The following EEFSEC variants were observed in gnomAD, a reference collection of about 807,000 sequenced individuals.
EEFSEC encodes the protein eukaryotic elongation factor, selenocysteine-tRNA specific.
In EEFSEC, 43 loss-of-function variants were observed where a neutral mutation model predicts 42.1. That is an observed-to-expected ratio of 1.02 (90% CI 0.80 to 1.32). The LOEUF (loss-of-function observed/expected upper bound fraction) is 1.32. Among genes scored for constraint, EEFSEC ranks in the 40% most tolerant of loss-of-function variants. EEFSEC has a pLI of 0.00. For missense variants in EEFSEC, 745 were observed against 803.6 expected, an observed-to-expected ratio of 0.93 and a Z score of 0.88; for synonymous variants, 354 against 339.1, an observed-to-expected ratio of 1.04 and a Z score of -0.48.
Position 128,249,551 on chromosome 3 carries a change from C to A in EEFSEC, c.524+2508C>A, listed in dbSNP as rs1298284118. Among the ~76,000 whole-genome samples, 5 of 152,202 alleles carry A rather than the reference C, an allele frequency of 3.3e-5. No homozygotes were observed. In the East Asian group the frequency reaches 7.7e-4, roughly 23 times the overall value. The stretch of plus-strand genomic sequence containing the variant: ...ATATACCCCAAACTTTTTCATGACC[C>A]CCAACATAAACTCTGTAGCCATTAA... On this transcript the variant is annotated intron_variant, in intron 2 of 6. Coordinates refer to ENST00000254730, the MANE Select transcript of EEFSEC (RefSeq NM_021937.5).
At chr3:128,354,608 G>T (rs1238418855) in intron 5 of EEFSEC, among the ~76,000 whole-genome samples, 1 of 152,142 alleles carries the variant, frequency 6.6e-6, no homozygotes, top group African/African-American at 2.4e-5. Flanking sequence ...ACTAACTTTG[G>T]GGTCATCTCT....
At chr3:128,196,949 T>C (rs1372237503) in intron 1 of EEFSEC, among the ~76,000 whole-genome samples, 1 of 152,254 alleles carries the variant, frequency 6.6e-6, no homozygotes, top group Non-Finnish European at 1.5e-5. Flanking sequence ...GTTTGGATGC[T>C]CGCAGTATGT....
chr3:128,322,312 G>A (rs78832040), intron 4 of EEFSEC, among the ~76,000 whole-genome samples: 4,699 of 152,352 alleles, frequency 0.031, 229 homozygotes, highest in African/African-American at 0.1. Flanking sequence ...AGCTTGTGGA[G>A]GGACCGTGTC....
the EEFSEC span, among the ~76,000 whole-genome samples, chr3:128,414,666 G>GTCACTACTAACGTCAATGCCATCA: frequency 6.6e-6 from 1 of 152,150 alleles, no homozygotes; most frequent in African/African-American, 2.4e-5. Context: ...ATCATTTAAC[G>GTCACTACTAACGTCAATGCCATCA]TCACTACTAA....
Position 128,332,935 on chromosome 3 carries a change from T to C in EEFSEC, c.787-8298T>C, listed in dbSNP as rs577808176. Among the ~76,000 whole-genome samples the C allele has an allele frequency of 2.0e-5, 3 of 152,334 alleles. No individual in the cohort carries two copies. In the South Asian group the frequency reaches 6.2e-4, roughly 32 times the overall value. On this transcript the variant is annotated intron_variant, in intron 4 of 6. Transcript: ENST00000254730. ...ACCTTATTAAACAAAATTGGTTAGG[T>C]CTGATGGAGCCAAACCTAGACTGAT...
intron 1 of EEFSEC, among the ~76,000 whole-genome samples, chr3:128,184,324 C>T (rs1377638662): frequency 6.6e-6 from 1 of 152,158 alleles, no homozygotes. Context: ...ACTCTGTATC[C>T]ATTACACACT....
chr3:128,408,352 C>T lies in EEFSEC; in HGVS notation c.*93C>T, dbSNP rs1034011277. 1.5e-6 allele frequency: 2 copies of T among 1,338,406 alleles called. No individual in the cohort carries two copies. The highest frequency in any genetic ancestry group is 2.0e-6 in the Non-Finnish European group (2 of 980,948). The allele number at this position is 1,338,406 out of a possible 1,614,324, so 82.9% of individuals were successfully genotyped here. On this transcript the variant is annotated 3_prime_UTR_variant, in exon 7 of 7. Coordinates refer to ENST00000254730, the MANE Select transcript of EEFSEC (RefSeq NM_021937.5). ...CAGCCACGCCTCAGCCTCTCCCAGT[C>T]TCTCCCTGCAGTCCTGCAGCAGCAG...
intron 6 of EEFSEC, among the ~76,000 whole-genome samples, chr3:128,377,408 G>T (rs764933311): frequency 6.6e-6 from 1 of 152,198 alleles, no homozygotes; most frequent in Non-Finnish European, 1.5e-5. Context: ...AACCAAGCAG[G>T]CCTCGCTGAG....
intron 1 of EEFSEC, among the ~76,000 whole-genome samples, chr3:128,236,314 T>C (rs1169092970): frequency 6.6e-6 from 1 of 152,214 alleles, no homozygotes; most frequent in Non-Finnish European, 1.5e-5. Context: ...CGGCCTCCTG[T>C]ATAAAACTTG....
At chr3:128,396,265 C>G (rs536778427) in intron 6 of EEFSEC, among the ~76,000 whole-genome samples, 37 of 152,318 alleles carry the variant, frequency 2.4e-4, no homozygotes, top group Admixed American at 1.3e-3. Flanking sequence ...AGAGAGACAG[C>G]CCCTTCCTCT....
At chr3:128,228,696 C>T (rs2065931880) in intron 1 of EEFSEC, among the ~76,000 whole-genome samples, 1 of 152,000 alleles carries the variant, frequency 6.6e-6, no homozygotes, top group Admixed American at 6.6e-5. Context: ...CCTGTCCTTG[C>T]ACTTACCTGA....
intron 2 of EEFSEC, among the ~76,000 whole-genome samples, chr3:128,257,018 T>C (rs1304648497): frequency 6.6e-6 from 1 of 152,200 alleles, no homozygotes; most frequent in Non-Finnish European, 1.5e-5. Context: ...GTGCTGGTAT[T>C]ACAGGTGTGA....
At chr3:128,268,963 C>T (rs2066385025) in intron 4 of EEFSEC, among the ~76,000 whole-genome samples, 2 of 152,180 alleles carry the variant, frequency 1.3e-5, no homozygotes, top group African/African-American at 4.8e-5. Context: ...CAGAAAAAGC[C>T]TTAAGTTCTT....
intron 1 of EEFSEC, among the ~76,000 whole-genome samples, chr3:128,180,327 G>C (rs1457136998): frequency 6.6e-6 from 1 of 152,106 alleles, no homozygotes; most frequent in Non-Finnish European, 1.5e-5. Context: ...TGACCATAAT[G>C]ACCTGGCCAG....
chr3:128,415,874 G>A, the EEFSEC span, among the ~76,000 whole-genome samples: 1 of 152,244 alleles, frequency 6.6e-6, no homozygotes, highest in African/African-American at 2.4e-5. Context: ...GGGAAACTGA[G>A]GCAGGGGAGG....
At chr3:128,366,152 C>G (rs1461481642) in intron 6 of EEFSEC, among the ~76,000 whole-genome samples, 2 of 152,220 alleles carry the variant, frequency 1.3e-5, no homozygotes, top group Admixed American at 1.3e-4. Flanking sequence ...GGACACACCC[C>G]TTCAGTGGTT....
chr3:128,236,874 A>G (rs966302417), intron 1 of EEFSEC, among the ~76,000 whole-genome samples: 6 of 152,216 alleles, frequency 3.9e-5, no homozygotes, highest in Admixed American at 3.9e-4. Flanking sequence ...CAGGATGCTT[A>G]GCCTCTCTGA....
intron 5 of EEFSEC, among the ~76,000 whole-genome samples, chr3:128,344,479 C>T (rs2067290004): frequency 6.6e-6 from 1 of 152,160 alleles, no homozygotes; most frequent in South Asian, 2.1e-4. Flanking sequence ...ACCCAGGTCC[C>T]CTCCCCAAAG....
intron 1 of EEFSEC, among the ~76,000 whole-genome samples, chr3:128,174,127 G>C (rs186891172): frequency 3.3e-5 from 5 of 152,308 alleles, no homozygotes; most frequent in Admixed American, 6.5e-5. Context: ...CCTCCCCTCT[G>C]TTTCCACAGA....
Sources: gnomAD v4.1 joint callset for allele counts (sites outside exome capture counted in the v4.1 genomes callset) on GRCh38, gnomAD v4.1.1 for gene constraint, MANE v1.5 for transcripts, NCBI Gene and HGNC (gene_info 2026-07-23, HGNC 2026-07-21) for gene names.